CCT6A: variants seen among roughly 807,000 people sequenced by gnomAD.
CCT6A encodes T-complex protein 1 subunit zeta.
Under a neutral mutation model 58.6 loss-of-function variants are expected in CCT6A, and 6 were observed. That is an observed-to-expected ratio of 0.10 (90% CI 0.06 to 0.20). The LOEUF is 0.20. Among genes scored for constraint, CCT6A ranks in the 10% least tolerant of loss-of-function variants. The pLI is 1.00. For missense variants in CCT6A, 516 were observed against 648.8 expected (o/e 0.80, Z 2.22); for synonymous variants, 245 against 227.8 (o/e 1.08, Z -0.68).
intron 2 of CCT6A, among the ~76,000 whole-genome samples, chr7:56,054,001 A>G (rs947911851): frequency 6.6e-6 from 1 of 152,138 alleles, no homozygotes; most frequent in Non-Finnish European, 1.5e-5. Context: ...AATAATTATA[A>G]TGTGTGTGCC....
intron 12 of CCT6A, 82 bp downstream of exon 12, chr7:56,061,931 C>T: frequency 1.3e-6 from 1 of 772,204 alleles, no homozygotes; most frequent in Non-Finnish European, 2.0e-6. Context: ...AAATGTTTTG[C>T]TTTGCAATTT....
intron 9 of CCT6A, chr7:56,059,856 A>AT: frequency 2.2e-6 from 1 of 458,736 alleles, no homozygotes; most frequent in Non-Finnish European, 3.9e-6. Flanking sequence ...ATGACTGGCT[A>AT]ATTTTTTTTT....
At chr7:56,060,143 A>G (rs1584551909) in intron 9 of CCT6A, 126 bp from the exon 10 acceptor site, 1 of 716,248 alleles carries the variant, frequency 1.4e-6, no homozygotes, top group East Asian at 2.6e-5. Flanking sequence ...AAAAGGAGAT[A>G]ATTTGCTTTA....
intron 8 of CCT6A, among the ~76,000 whole-genome samples, chr7:56,059,331 T>G (rs1794382125): frequency 6.6e-6 from 1 of 152,206 alleles, no homozygotes; most frequent in Admixed American, 6.5e-5. Context: ...CTTTTAGATT[T>G]CATTTGCTAA....
chr7:56,051,788 G>GGCCAC lies in CCT6A; in HGVS notation c.-57_-53dup. On this transcript the variant is annotated 5_prime_UTR_variant, in exon 1 of 14. Coordinates refer to ENST00000275603, the MANE Select transcript of CCT6A (RefSeq NM_001762.4). Reference sequence around the variant, plus strand: ...CCAGAAGACCCGGATAGTTCCTCCCGGCCACGCCGCGCCGGCTCTGGGCAC... The same window carrying GGCCAC: ...CCAGAAGACCCGGATAGTTCCTCCCGGCCACGCCACGCCGCGCCGGCTCTGGGCAC... 1 of 1,532,614 alleles carries GGCCAC rather than the reference G, an allele frequency of 6.5e-7. No homozygotes were observed. Among genetic ancestry groups the GGCCAC allele is most frequent in the Non-Finnish European group, 8.8e-7 (1 of 1,139,140 alleles). The allele number at this position is 1,532,614 out of a possible 1,614,324, so 94.9% of individuals were successfully genotyped here. A position where few individuals can be genotyped will look rare whatever the true frequency, so the allele number is the denominator to read the frequency against.
chr7:56,051,888 G>T lies in CCT6A; in HGVS notation c.40G>T (p.Ala14Ser). 1.3e-6 allele frequency: 2 copies of T among 1,558,434 alleles called. No homozygotes were observed. Among genetic ancestry groups the T allele is most frequent in the Non-Finnish European group, 1.7e-6 (2 of 1,151,716 alleles). Residue 14 changes from alanine to serine, a missense_variant, in exon 1 of 14, where the codon GCC (alanine) becomes TCC (serine). Ala to Ser is a moderately conservative substitution (Grantham distance 99, BLOSUM62 1). Coordinates refer to ENST00000275603, the MANE Select transcript of CCT6A (RefSeq NM_001762.4). ...VKTLNPKAEV[A>S]RAQAALAVNI... ...GACCCTGAACCCCAAGGCCGAGGTG[G>T]CCCGAGCGCAGGCGGCGCTGGCGGT...
Position 56,051,853 on chromosome 7 carries a change from C to T in CCT6A, c.5C>T (p.Ala2Val), listed in dbSNP as rs866860999. 6.4e-7 allele frequency: 1 copy of T among 1,559,514 alleles called. No individual in the cohort carries two copies. The highest frequency in any genetic ancestry group is 8.7e-7 in the Non-Finnish European group (1 of 1,152,586). The change falls in exon 1 of 14, where the codon GCG (alanine) becomes GTG (valine). Residue 2 changes from alanine (A) to valine (V), a missense_variant. Coordinates refer to ENST00000275603, the MANE Select transcript of CCT6A (RefSeq NM_001762.4). MAAVKTLNPKAE... is the reference protein window; with the variant it reads MVAVKTLNPKAE... ...TTTTCCTCCGCTGGAGCAGCTATGGCGGCGGTGAAGACCCTGAACCCCAAG... is the reference window on the plus strand; with the variant it reads ...TTTTCCTCCGCTGGAGCAGCTATGGTGGCGGTGAAGACCCTGAACCCCAAG...
intron 5 of CCT6A, among the ~76,000 whole-genome samples, chr7:56,057,292 T>C (rs188324784): frequency 6.6e-6 from 1 of 152,190 alleles, no homozygotes; most frequent in Non-Finnish European, 1.5e-5. Flanking sequence ...TAATGAGAAG[T>C]AGTAGAGGAA....
chr7:56,060,233 T>G, intron 9 of CCT6A, 36 bp from the exon 10 acceptor site: 1 of 1,592,026 alleles, frequency 6.3e-7, no homozygotes, highest in Admixed American at 1.7e-5. Context: ...TCTGCACAAA[T>G]CCTGTTTTTG....
At chr7:56,057,555 G>T (rs1375273091) in intron 5 of CCT6A, among the ~76,000 whole-genome samples, 2 of 152,174 alleles carry the variant, frequency 1.3e-5, no homozygotes, top group Non-Finnish European at 2.9e-5. Flanking sequence ...CATCTCTGCA[G>T]ACTTTTCTGT....
intron 11 of CCT6A, among the ~76,000 whole-genome samples, chr7:56,061,273 G>GTGT (rs1313278097): frequency 2.0e-5 from 3 of 151,812 alleles, no homozygotes; most frequent in African/African-American, 7.3e-5. Context: ...TTTATGACTG[G>GTGT]TGTATTGCTG....
At chr7:56,061,602 C>A in intron 11 of CCT6A, 145 bp from the exon 12 acceptor site, 1 of 483,010 alleles carries the variant, frequency 2.1e-6, no homozygotes, top group Non-Finnish European at 3.6e-6. Flanking sequence ...CTTCCACGGC[C>A]TCCCAAAGTC....
chr7:56,060,112 A>G, intron 9 of CCT6A, 157 bp from the exon 10 acceptor site: 1 of 625,106 alleles, frequency 1.6e-6, no homozygotes, highest in South Asian at 2.1e-5. Flanking sequence ...GGAAAATCAC[A>G]TTTCTTTTAT....
chr7:56,055,779 T>G lies in CCT6A; in HGVS notation c.492T>G (p.Leu164=). 3 of 1,613,578 alleles carry G rather than the reference T, an allele frequency of 1.9e-6. No homozygotes were observed. Among genetic ancestry groups the G allele is most frequent in the Non-Finnish European group, 2.5e-6 (3 of 1,179,578 alleles). ...TSLRTKVHAE[L]ADVLTEAVVD... ...TTCGTACTAAAGTTCATGCTGAACTTGCAGATGTCTTAACAGAGGTATGTA... is the reference window on the plus strand; with the variant it reads ...TTCGTACTAAAGTTCATGCTGAACTGGCAGATGTCTTAACAGAGGTATGTA... Residue 164 remains leucine, a synonymous_variant, in exon 4 of 14, where the codon CTT becomes CTG. Coordinates refer to ENST00000275603, the MANE Select transcript of CCT6A (RefSeq NM_001762.4).
chr7:56,056,946 G>A (rs1196157180), intron 5 of CCT6A, among the ~76,000 whole-genome samples: 1 of 151,644 alleles, frequency 6.6e-6, no homozygotes, highest in Non-Finnish European at 1.5e-5. Flanking sequence ...ACAGGCGCCC[G>A]CCACCATGCC....
chr7:56,058,303 T>C, intron 6 of CCT6A, 59 bp from the exon 7 acceptor site: 1 of 1,307,470 alleles, frequency 7.6e-7, no homozygotes, highest in Non-Finnish European at 1.1e-6. Context: ...CTAATCCAGT[T>C]TCAGAAGCTG....
At chr7:56,058,556 T>C in intron 7 of CCT6A, 35 bp downstream of exon 7, 1 of 1,573,782 alleles carries the variant, frequency 6.4e-7, no homozygotes, top group Non-Finnish European at 8.7e-7. Context: ...AACTAAATAG[T>C]ACGTATCATC....
Position 56,051,884 on chromosome 7 carries a change from G to A in CCT6A, c.36G>A (p.Glu12=). 1.3e-6 allele frequency: 2 copies of A among 1,559,146 alleles called. No homozygotes were observed. Among genetic ancestry groups the A allele is most frequent in the Non-Finnish European group, 8.7e-7 (1 of 1,152,128 alleles). ...AAVKTLNPKA[E]VARAQAALAV... is the part of the protein sequence containing the mutation. Reference sequence around the variant, plus strand: ...TGAAGACCCTGAACCCCAAGGCCGAGGTGGCCCGAGCGCAGGCGGCGCTGG... The same window carrying A: ...TGAAGACCCTGAACCCCAAGGCCGAAGTGGCCCGAGCGCAGGCGGCGCTGG... The change falls in exon 1 of 14, where the codon GAG becomes GAA. Residue 12 remains glutamate (E), a synonymous_variant. Coordinates refer to ENST00000275603, the MANE Select transcript of CCT6A (RefSeq NM_001762.4).
chr7:56,054,232 C>A (rs1256919334), intron 2 of CCT6A, 137 bp from the exon 3 acceptor site: 1 of 649,538 alleles, frequency 1.5e-6, no homozygotes, highest in South Asian at 2.2e-5. Flanking sequence ...GATAGTTAAT[C>A]GAAGTAATTT....
Sources: gnomAD v4.1 joint callset for allele counts (sites outside exome capture counted in the v4.1 genomes callset) on GRCh38, gnomAD v4.1.1 for gene constraint, MANE v1.5 for transcripts, NCBI Gene and HGNC (gene_info 2026-07-23, HGNC 2026-07-21) for gene names.